TACR3: variants seen among roughly 807,000 people sequenced by gnomAD.
TACR3 encodes neuromedin-K receptor.
In TACR3, 34 loss-of-function variants were observed where a neutral mutation model predicts 35.0. The ratio of observed to expected loss-of-function variants is 0.97; its 90% CI spans 0.74 to 1.30. The LOEUF (loss-of-function observed/expected upper bound fraction) is 1.30, where lower values mean the gene tolerates loss of function less well. Among genes scored for constraint, TACR3 ranks in the 50% most tolerant of loss-of-function variants. TACR3 has a pLI of 0.00. For synonymous variants in TACR3, 233 were observed against 221.1 expected (o/e 1.05, Z -0.48); for missense variants, 558 against 591.7 (o/e 0.94, Z 0.59).
intron 3 of TACR3, among the ~76,000 whole-genome samples, chr4:103,605,835 C>T (rs566359065): frequency 6.6e-5 from 10 of 152,126 alleles, no homozygotes; most frequent in African/African-American, 2.4e-4. Flanking sequence ...TTAATTAGAT[C>T]CCATTTGTCA....
intron 3 of TACR3, among the ~76,000 whole-genome samples, chr4:103,630,062 C>G (rs1310963579): frequency 6.6e-6 from 1 of 152,080 alleles, no homozygotes; most frequent in Non-Finnish European, 1.5e-5. Flanking sequence ...TGTTCTTTGA[C>G]AAACCTGACA....
chr4:103,698,545 T>C, intron 1 of TACR3, among the ~76,000 whole-genome samples: 1 of 152,006 alleles, frequency 6.6e-6, no homozygotes, highest in East Asian at 1.9e-4. Context: ...TCTTTTCTTT[T>C]TTTTCTTTTT....
chr4:103,590,952 A>G (rs998328052), intron 4 of TACR3, among the ~76,000 whole-genome samples: 1 of 152,148 alleles, frequency 6.6e-6, no homozygotes, highest in Non-Finnish European at 1.5e-5. Flanking sequence ...TAGAGGCTGC[A>G]TGCTCTCTTA....
intron 1 of TACR3, among the ~76,000 whole-genome samples, chr4:103,690,012 G>A (rs1289820858): frequency 6.6e-6 from 1 of 152,062 alleles, no homozygotes; most frequent in African/African-American, 2.4e-5. Flanking sequence ...TTAACAGATG[G>A]CTTTTCATTG....
chr4:103,630,861 C>A (rs983812163), intron 3 of TACR3, among the ~76,000 whole-genome samples: 1 of 152,124 alleles, frequency 6.6e-6, no homozygotes, highest in Non-Finnish European at 1.5e-5. Context: ...AATCATGCTA[C>A]TATAAAGACA....
intron 3 of TACR3, among the ~76,000 whole-genome samples, chr4:103,646,334 C>T (rs558131409): frequency 2.6e-5 from 4 of 152,106 alleles, no homozygotes; most frequent in African/African-American, 7.2e-5. Context: ...TCCACTTCCA[C>T]AGTAGGAATT....
chr4:103,656,460 C>G, intron 2 of TACR3, 116 bp from the exon 3 acceptor site: 1 of 956,562 alleles, frequency 1.0e-6, no homozygotes, highest in Non-Finnish European at 1.6e-6. Flanking sequence ...TCTACATTAT[C>G]TCTATACATT....
At chr4:103,690,689 G>T (rs555996495) in intron 1 of TACR3, among the ~76,000 whole-genome samples, 19 of 152,156 alleles carry the variant, frequency 1.2e-4, no homozygotes, top group South Asian at 8.3e-4. Context: ...CTTGTCAAGG[G>T]AATATGGAAT....
intron 3 of TACR3, among the ~76,000 whole-genome samples, chr4:103,647,847 A>T (rs896709425): frequency 3.3e-5 from 5 of 152,014 alleles, no homozygotes; most frequent in Non-Finnish European, 7.4e-5. Context: ...CTTAGGCAGA[A>T]CATAATAAAA....
At chr4:103,684,321 A>G (rs376027349) in intron 1 of TACR3, among the ~76,000 whole-genome samples, 71 of 152,272 alleles carry the variant, frequency 4.7e-4, no homozygotes, top group Middle Eastern at 3.4e-3. Context: ...ATCCCAATAA[A>G]TCTCCAAAAA....
intron 3 of TACR3, among the ~76,000 whole-genome samples, chr4:103,645,483 CATTT>C (rs887326611): frequency 2.6e-5 from 4 of 151,816 alleles, no homozygotes; most frequent in African/African-American, 9.7e-5. Context: ...GGAAATTTGA[CATTT>C]ATATTTCTTG....
At chr4:103,684,759 T>C (rs1010870733) in intron 1 of TACR3, among the ~76,000 whole-genome samples, 2 of 151,976 alleles carry the variant, frequency 1.3e-5, no homozygotes, top group Non-Finnish European at 2.9e-5. Flanking sequence ...TCCCAGCACT[T>C]TGGGGGGCTG....
chr4:103,689,439 A>G (rs1414126750), intron 1 of TACR3, among the ~76,000 whole-genome samples: 1 of 152,072 alleles, frequency 6.6e-6, no homozygotes, highest in Non-Finnish European at 1.5e-5. Flanking sequence ...ATTAATAGTA[A>G]ACCAATAATG....
intron 3 of TACR3, among the ~76,000 whole-genome samples, chr4:103,609,797 A>C (rs1027130554): frequency 3.9e-5 from 6 of 151,922 alleles, no homozygotes; most frequent in Non-Finnish European, 1.5e-5. Flanking sequence ...CCACTATTCT[A>C]CTAGTGATTA....
At chr4:103,657,199 C>T (rs142689202) in intron 2 of TACR3, among the ~76,000 whole-genome samples, 11 of 148,240 alleles carry the variant, frequency 7.4e-5, no homozygotes, top group East Asian at 3.9e-4. Context: ...TTTGTTAGAA[C>T]GGTCTTCTCC....
At chr4:103,714,607 T>C in intron 1 of TACR3, among the ~76,000 whole-genome samples, 1 of 152,254 alleles carries the variant, frequency 6.6e-6, no homozygotes, top group South Asian at 2.1e-4. Flanking sequence ...GCTAAAAAGT[T>C]CATCATTTGC....
At chr4:103,619,142 T>C (rs1236999541) in intron 3 of TACR3, among the ~76,000 whole-genome samples, 2 of 152,142 alleles carry the variant, frequency 1.3e-5, no homozygotes, top group Non-Finnish European at 2.9e-5. Context: ...GCAGAGACTA[T>C]AGGGTTTTCT....
chr4:103,712,718 C>G (rs375893886), intron 1 of TACR3, among the ~76,000 whole-genome samples: 54 of 152,150 alleles, frequency 3.5e-4, no homozygotes, highest in Admixed American at 5.9e-4. Flanking sequence ...TTTTTGCAAT[C>G]TACTCATCTG....
chr4:103,617,508 AT>A (rs1724686137), intron 3 of TACR3, among the ~76,000 whole-genome samples: 1 of 152,170 alleles, frequency 6.6e-6, no homozygotes, highest in Non-Finnish European at 1.5e-5. Flanking sequence ...AAAAAAATTA[AT>A]TTTGGGGGAC....
Sources: allele counts gnomAD v4.1 joint callset (sites outside exome capture counted in the v4.1 genomes callset), GRCh38; gene constraint gnomAD v4.1.1; transcripts MANE v1.5; gene names NCBI Gene and HGNC (gene_info 2026-07-23, HGNC 2026-07-21).